The following CDHR5 variants were observed in gnomAD, a reference collection of about 807,000 sequenced individuals.
The protein encoded by CDHR5 is cadherin related family member 5.
Under a neutral mutation model 69.5 loss-of-function variants are expected in CDHR5, and 82 were observed. The observed-to-expected ratio is 1.18, with a 90% confidence interval of 0.99 to 1.42. CDHR5 has a LOEUF of 1.42. Ranked by LOEUF, CDHR5 falls within the 40% of genes most tolerant of loss-of-function variation. The pLI, the probability that CDHR5 is intolerant of heterozygous loss-of-function variation, is 0.00. For missense variants in CDHR5, 1,293 were observed against 1,168.9 expected, an observed-to-expected ratio of 1.11 and a Z score of -1.55; for synonymous variants, 601 against 510.2, an observed-to-expected ratio of 1.18 and a Z score of -2.40.
chr11:618,018 C>T lies in CDHR5; in HGVS notation c.2054G>A (p.Gly685Asp). The change falls in exon 14 of 15, where the codon GGC (glycine) becomes GAC (aspartate). Residue 685 changes from glycine (G) to aspartate (D), a missense_variant. Gly to Asp is a moderately conservative substitution (Grantham distance 94). Transcript: ENST00000397542. ...GTGCTTGTGGACAAGGACGGCGAGGCCAAGGAGAGCCAGCAGCAGCAGCGC... is the reference window on the plus strand; with the variant it reads ...GTGCTTGTGGACAAGGACGGCGAGGTCAAGGAGAGCCAGCAGCAGCAGCGC... ...LGALLLLALLGLAVLVHKHYG... is the reference protein window; with the variant it reads ...LGALLLLALLDLAVLVHKHYG... 1 of 1,612,400 alleles carries T rather than the reference C, an allele frequency of 6.2e-7. No individual in the cohort carries two copies. Among genetic ancestry groups the T allele is most frequent in the Non-Finnish European group, 8.5e-7 (1 of 1,179,804 alleles).
rs781732884 is a variant in CDHR5 at position 617,517 on chromosome 11, A to C, written c.2372T>G (p.Val791Gly). The C allele has an allele frequency of 6.8e-6, 11 of 1,612,596 alleles. No homozygotes were observed. The highest frequency in any genetic ancestry group is 7.6e-6 in the Non-Finnish European group (9 of 1,179,792). ...ERRPEGGYKA[V>G]WFGEDIGTEA... ...CGTCCCGATGTCCTCGCCAAACCAGACAGCCTTGTACCCGCCCTCCGGCCG... is the reference window on the plus strand; with the variant it reads ...CGTCCCGATGTCCTCGCCAAACCAGCCAGCCTTGTACCCGCCCTCCGGCCG... The change falls in exon 15 of 15, where the codon GTC becomes GGC. Residue 791 changes from valine to glycine, a missense_variant. Transcript: ENST00000397542.
At chr11:623,560 G>GCCCA (rs1006740040) in intron 3 of CDHR5, among the ~76,000 whole-genome samples, 12 of 152,114 alleles carry the variant, frequency 7.9e-5, no homozygotes, top group African/African-American at 2.9e-4. Flanking sequence ...GCAGTCCTGA[G>GCCCA]CCGGTGAGGG....
Position 619,479 on chromosome 11 carries a change from C to G in CDHR5, c.1288G>C (p.Ala430Pro). The G allele has an allele frequency of 6.2e-7, 1 of 1,612,008 alleles. No homozygotes were observed. The highest frequency in any genetic ancestry group is 8.5e-7 in the Non-Finnish European group (1 of 1,178,296). The change falls in exon 11 of 15, where the codon GCA becomes CCA. Residue 430 changes from alanine to proline, a missense_variant. Transcript: ENST00000397542. ...TTLAQAGAFY[A>P]EVEAHNTVTS... ...CCGCCTGCCCTGCCCCGCACCTCTG[C>G]GTAGAAGGCTCCCGCCTGTGCCAGT...
Position 621,661 on chromosome 11 carries a change from G to A in CDHR5, c.408C>T (p.Asp136=), listed in dbSNP as rs774387100. ...FKTKEIRVEE[D]TKVNSTVIPE... is the part of the protein sequence containing the mutation. ...GGATGACGGTGGAGTTCACTTTCGT[G>A]TCCTGGGGAGGGAGAGGGGCTTGGT... The change falls in exon 5 of 15, where the codon GAC becomes GAT. Residue 136 remains aspartate, a splice_region_variant and synonymous_variant. Transcript: ENST00000397542. The surrounding 1 kb of genome is among the most constrained non-coding windows in gnomAD (Gnocchi z 4.4). 4 of 1,610,576 alleles carry A rather than the reference G, an allele frequency of 2.5e-6. No individual in the cohort carries two copies. The Admixed American group carries it at 6.7e-5, about 27-fold the overall frequency.
intron 3 of CDHR5, among the ~76,000 whole-genome samples, chr11:622,624 T>TG (rs1857478959): frequency 6.6e-6 from 1 of 151,004 alleles, no homozygotes; most frequent in Non-Finnish European, 1.5e-5. Context: ...TACAGGTGCC[T>TG]GCCACCATGC....
rs1172829054 is a variant in CDHR5, at chr11:617,536, C to T, written c.2353G>A (p.Glu785Lys). The change falls in exon 15 of 15, where the codon GAG (glutamate) becomes AAG (lysine). Residue 785 changes from glutamate to lysine, a missense_variant. Glu to Lys is a moderately conservative substitution (Grantham distance 56, BLOSUM62 1). Coordinates refer to ENST00000397542, the MANE Select transcript of CDHR5 (RefSeq NM_021924.5). ...RSILTKERRP[E>K]GGYKAVWFGE... is the part of the protein sequence containing the mutation. Reference sequence around the variant, plus strand: ...AACCAGACAGCCTTGTACCCGCCCTCCGGCCGCCGCTCCTTGGTCAGGATG... The same window carrying T: ...AACCAGACAGCCTTGTACCCGCCCTTCGGCCGCCGCTCCTTGGTCAGGATG... The T allele has an allele frequency of 6.2e-7, 1 of 1,612,226 alleles. No individual in the cohort carries two copies. Among genetic ancestry groups the T allele is most frequent in the African/African-American group, 1.3e-5 (1 of 74,906 alleles).
rs750794067 is a variant in CDHR5, at chr11:619,336, G to T, written c.1348C>A (p.Gln450Lys). 31 of 1,613,408 alleles carry T rather than the reference G, an allele frequency of 1.9e-5. No homozygotes were observed. Among genetic ancestry groups the T allele is most frequent in the Non-Finnish European group, 2.5e-5 (30 of 1,179,656 alleles). The change falls in exon 12 of 15, where the codon CAA becomes AAA. Residue 450 changes from glutamine (Q) to lysine (K), a missense_variant. Coordinates refer to ENST00000397542, the MANE Select transcript of CDHR5 (RefSeq NM_021924.5). ...SGTATTVIEI[Q>K]VSEQEPPSTD... is the part of the protein sequence containing the mutation. The stretch of plus-strand genomic sequence containing the variant: ...GAGGGGGGCTCCTGTTCGGAAACTT[G>T]TATCTCAATGACTGTGGTTGCGGTG...
chr11:620,515 C>T, intron 7 of CDHR5, 129 bp from the exon 8 acceptor site: 1 of 626,276 alleles, frequency 1.6e-6, no homozygotes. Flanking sequence ...GGCCGGGCGT[C>T]CCTGCCTGCC....
chr11:624,530 C>G lies in CDHR5; in HGVS notation c.261+27G>C, dbSNP rs570089271. ...GCAGGTGCCCTTCTCCCGGGACCCC[C>G]ATATCCCGCCCGCCTGCCGCCCACA... On this transcript the variant is annotated intron_variant, in intron 2 of 14. Coordinates refer to ENST00000397542, the MANE Select transcript of CDHR5 (RefSeq NM_021924.5). The surrounding 1 kb of genome is among the most constrained non-coding windows in gnomAD (Gnocchi z 5.3). 6 of 1,605,440 alleles carry G rather than the reference C, an allele frequency of 3.7e-6. No individual in the cohort carries two copies. Among genetic ancestry groups the G allele is most frequent in the Non-Finnish European group, 5.1e-6 (6 of 1,174,214 alleles).
At chr11:620,042 C>A in intron 9 of CDHR5, 25 bp downstream of exon 9, 1 of 1,496,838 alleles carries the variant, frequency 6.7e-7, no homozygotes, top group Non-Finnish European at 9.2e-7. Flanking sequence ...CTCTGCCCTG[C>A]CCCCCATGCA....
At position 616,775 on chromosome 11, in the gene CDHR5, C is replaced by T. The variant is rs771204719; in HGVS notation, c.*576G>A. 31 of 156,386 alleles carry T rather than the reference C, an allele frequency of 2.0e-4. No homozygotes were observed. The highest frequency in any genetic ancestry group is 3.9e-4 in the Non-Finnish European group (27 of 69,112). 9.7% of individuals were successfully genotyped at this position (156,386 alleles called of 1,614,324 possible). ...CCACACGGCGCACCCACCCCCAGCG[C>T]GCCTCAGTCCAGGTCACTGGGCAGG... On this transcript the variant is annotated 3_prime_UTR_variant, in exon 15 of 15. Coordinates refer to ENST00000397542, the MANE Select transcript of CDHR5 (RefSeq NM_021924.5).
intron 8 of CDHR5, 27 bp downstream of exon 8, chr11:620,269 C>G: frequency 6.3e-7 from 1 of 1,594,982 alleles, no homozygotes; most frequent in Non-Finnish European, 8.6e-7. Flanking sequence ...GGGTACAGGG[C>G]ATTGTTGAGG....
In CDHR5 at chr11:618,013, C is replaced by G; in HGVS notation, c.2059G>C (p.Ala687Pro). The G allele has an allele frequency of 6.2e-7, 1 of 1,611,716 alleles. No homozygotes were observed. Among genetic ancestry groups the G allele is most frequent in the Non-Finnish European group, 8.5e-7 (1 of 1,179,550 alleles). ...ALLLLALLGL[A>P]VLVHKHYGPR... ...CCATAGTGCTTGTGGACAAGGACGG[C>G]GAGGCCAAGGAGAGCCAGCAGCAGC... The change falls in exon 14 of 15, where the codon GCC (alanine) becomes CCC (proline). Residue 687 changes from alanine to proline, a missense_variant. Transcript: ENST00000397542.
rs543140534 is a variant in CDHR5, at chr11:624,213, C to T, written c.312G>A (p.Leu104=). 2.3e-4 allele frequency: 175 copies of T among 763,292 alleles called. 2 individuals are homozygous for T. The South Asian group carries it at 2.4e-3, about 11-fold the overall frequency. The allele number at this position is 763,292 out of a possible 1,614,324, so 47.3% of individuals were successfully genotyped here. ...AQLLCQSGGT[L]VTQLRVFVSV... is the part of the protein sequence containing the mutation. ...CGGGGAGAGCGGGGCGGGGACTCAC[C>T]AATGTGCCTCCGCTCTGACACAGCA... Residue 104 remains leucine, a splice_region_variant and synonymous_variant, in exon 3 of 15, where the codon TTG becomes TTA. Transcript: ENST00000397542. This position sits in a 1 kb window ranked among gnomAD's most constrained non-coding sequence, Gnocchi z 5.3.
intron 3 of CDHR5, among the ~76,000 whole-genome samples, chr11:623,134 C>T (rs1374649639): frequency 6.6e-6 from 1 of 151,998 alleles, no homozygotes; most frequent in African/African-American, 2.4e-5. Context: ...CATGGAGAAA[C>T]CCCGTCGCTA....
rs1564897501 is a variant in CDHR5 at position 620,342 on chromosome 11, GTCC to G, written c.831_833del (p.Glu277del). ...TGGGCTGGTTGATGCCGCGGTCTCC[GTCC>G]TCAGCGTAGATGGGTCCGGGACGCA... On this transcript the variant is annotated inframe_deletion, in exon 8 of 15. Coordinates refer to ENST00000397542, the MANE Select transcript of CDHR5 (RefSeq NM_021924.5). The G allele has an allele frequency of 6.2e-7, 1 of 1,612,764 alleles. No individual in the cohort carries two copies. The highest frequency in any genetic ancestry group is 8.5e-7 in the Non-Finnish European group (1 of 1,179,252).
In CDHR5 at chr11:621,446, C is replaced by T. The variant is rs1671145182; in HGVS notation, c.517G>A (p.Asp173Asn). 6.2e-6 allele frequency: 10 copies of T among 1,612,598 alleles called. No individual in the cohort carries two copies. The highest frequency in any genetic ancestry group is 8.5e-6 in the Non-Finnish European group (10 of 1,179,662). ...TTTACACTCACCAGGGAGAAGTAGT[C>T]ACTGGCACCCTGGGGAGGGTCAGGG... is the stretch of plus-strand genomic sequence containing the variant. The part of the protein sequence containing the change: ...TLQEMTAGAS[D>N]YFSLVSVNRP... The change falls in exon 6 of 15, where the codon GAC becomes AAC. Residue 173 changes from aspartate to asparagine, a missense_variant. By Grantham distance (23) the Asp-to-Asn change is conservative. Coordinates refer to ENST00000397542, the MANE Select transcript of CDHR5 (RefSeq NM_021924.5). This position sits in a 1 kb window ranked among gnomAD's most constrained non-coding sequence, Gnocchi z 4.4.
chr11:619,982 TGCCCCGGCCCCCCA>T, intron 9 of CDHR5, 71 bp downstream of exon 9: 1 of 1,354,524 alleles, frequency 7.4e-7, no homozygotes, highest in Non-Finnish European at 9.9e-7. Context: ...GCGGGGGCCC[TGCCCCGGCCCCCCA>T]GCCCTGACCC....
At position 621,530 on chromosome 11, in the gene CDHR5, G is replaced by A. The variant is rs1857388730; in HGVS notation, c.507+32C>T. On this transcript the variant is annotated intron_variant, in intron 5 of 14. Coordinates refer to ENST00000397542, the MANE Select transcript of CDHR5 (RefSeq NM_021924.5). The surrounding 1 kb of genome is among the most constrained non-coding windows in gnomAD (Gnocchi z 4.4). ...CGGCTGTGGGTGTCAGAGGCGAGGG[G>A]CTCGTGCTGGGGCAGGGTGGGCGGC... 14 of 1,591,440 alleles carry A rather than the reference G, an allele frequency of 8.8e-6. No homozygotes were observed. The highest frequency in any genetic ancestry group is 1.2e-5 in the Non-Finnish European group (14 of 1,159,514).
Sources: allele counts gnomAD v4.1 joint callset (sites outside exome capture counted in the v4.1 genomes callset), GRCh38; gene constraint gnomAD v4.1.1; non-coding constraint Gnocchi (gnomAD v3.1); transcripts MANE v1.5; gene names NCBI Gene and HGNC (gene_info 2026-07-23, HGNC 2026-07-21).